Variants in SOS1 observed in about 807,000 individuals in gnomAD.
SOS1 encodes SOS Ras/Rac guanine nucleotide exchange factor 1.
SOS1 carries 25 observed loss-of-function variants against 157.6 expected under a neutral mutation model. The ratio of observed to expected loss-of-function variants is 0.16; its 90% confidence interval spans 0.12 to 0.22. SOS1 has a LOEUF of 0.22. Ranked by LOEUF, SOS1 falls within the 10% of genes least tolerant of loss-of-function variation. The pLI is 1.00. For synonymous variants in SOS1, 528 were observed against 534.0 expected (o/e 0.99, Z 0.16); for missense variants, 1,237 against 1,599.1 (o/e 0.77, Z 3.86).
rs1668460553 is a variant in SOS1, at chr2:38,983,505, G to GAAAT, written c.*2315_*2318dup. The GAAAT allele has an allele frequency of 6.6e-6, 1 of 152,292 alleles. No individual in the cohort carries two copies. The highest frequency in any genetic ancestry group is 2.4e-5 in the African/African-American group (1 of 41,578). The allele number at this position is 152,292 out of a possible 1,614,324, so 9.4% of individuals were successfully genotyped here. ...GGTAGAAGAATAGTTCCCTTTGGGA[G>GAAAT]AAATAGGATTAGAACTCCAAATCTG... On this transcript the variant is annotated 3_prime_UTR_variant, in exon 23 of 23. Transcript: ENST00000402219.
chr2:39,014,904 T>G, intron 10 of SOS1, 58 bp from the exon 11 acceptor site: 1 of 943,944 alleles, frequency 1.1e-6, no homozygotes, highest in Non-Finnish European at 1.7e-6. Context: ...TGATTAAAAC[T>G]GTTATGTACA....
At chr2:39,085,219 T>A (rs297123) in intron 1 of SOS1, among the ~76,000 whole-genome samples, 134,752 of 150,724 alleles carry the variant, frequency 0.89, 59,851 homozygotes, top group Non-Finnish European at 0.92. Context: ...CTAATTTTTC[T>A]TTTTTTTTGT....
At chr2:39,084,149 T>C (rs1392876372) in intron 1 of SOS1, among the ~76,000 whole-genome samples, 1 of 152,128 alleles carries the variant, frequency 6.6e-6, no homozygotes, top group African/African-American at 2.4e-5. Context: ...CCTCCAAAAC[T>C]ATGAGAAAAC....
chr2:38,999,441 G>A (rs1228612100), intron 17 of SOS1, among the ~76,000 whole-genome samples: 1 of 152,178 alleles, frequency 6.6e-6, no homozygotes, highest in East Asian at 1.9e-4. Flanking sequence ...ATATTGAACA[G>A]ATCAGCAATA....
chr2:38,985,655 T>C lies in SOS1; in HGVS notation c.*169A>G, dbSNP rs114529424. On this transcript the variant is annotated 3_prime_UTR_variant, in exon 23 of 23. Coordinates refer to ENST00000402219, the MANE Select transcript of SOS1 (RefSeq NM_005633.4). ...ATTCTAAACTGGAATACCATTTCCA[T>C]TGTATAATTACATCTAGGTTAAAAT... 1.0e-5 allele frequency: 8 copies of C among 776,094 alleles called. No homozygotes were observed. Among genetic ancestry groups the C allele is most frequent in the Non-Finnish European group, 1.5e-5 (7 of 463,718 alleles). The allele number at this position is 776,094 out of a possible 1,614,324, so 48.1% of individuals were successfully genotyped here.
At chr2:39,054,034 T>A (rs1326173100) in intron 5 of SOS1, among the ~76,000 whole-genome samples, 1 of 152,010 alleles carries the variant, frequency 6.6e-6, no homozygotes, top group Non-Finnish European at 1.5e-5. Context: ...TTCACGCCAT[T>A]CTCCTGCCTC....
upstream of SOS1, among the ~76,000 whole-genome samples, chr2:39,123,737 G>A (rs1487797244): frequency 6.6e-6 from 1 of 152,190 alleles, no homozygotes; most frequent in African/African-American, 2.4e-5. Context: ...CACACAGTAG[G>A]TAGCAATAAA....
intron 20 of SOS1, among the ~76,000 whole-genome samples, chr2:38,990,162 C>A (rs1572799923): frequency 6.7e-6 from 1 of 149,188 alleles, no homozygotes. Flanking sequence ...TTTTTAAATT[C>A]AGATTTCGTT....
intron 8 of SOS1, among the ~76,000 whole-genome samples, chr2:39,033,558 CA>C (rs1670240322): frequency 6.6e-6 from 1 of 152,004 alleles, no homozygotes; most frequent in Non-Finnish European, 1.5e-5. Context: ...ATTTTTGAGA[CA>C]GGGGCTTGCT....
chr2:39,073,006 T>C lies in SOS1; in HGVS notation c.88-5253A>G, dbSNP rs563285205. On this transcript the variant is annotated intron_variant, in intron 1 of 22. Transcript: ENST00000402219. ...CAAGAAGATGCTGTTAGGATATTTCTTTAAAGAGCAAACAGAAGTAGTATT... is the reference window on the plus strand; with the variant it reads ...CAAGAAGATGCTGTTAGGATATTTCCTTAAAGAGCAAACAGAAGTAGTATT... Among the ~76,000 whole-genome samples the C allele has an allele frequency of 2.6e-5, 4 of 152,320 alleles. No individual in the cohort carries two copies. The South Asian group carries it at 8.3e-4, about 32-fold the overall frequency.
rs1449260720 is a variant in SOS1 at position 38,983,630 on chromosome 2, A to ACTT, written c.*2191_*2193dup. Reference sequence around the variant, plus strand: ...GACATACTGAAGGGGGTCCAATGTGACTTTTACCAGGTTCTCATTTGGAAT... The same window carrying ACTT: ...GACATACTGAAGGGGGTCCAATGTGACTTCTTTTACCAGGTTCTCATTTGGAAT... On this transcript the variant is annotated 3_prime_UTR_variant, in exon 23 of 23. Coordinates refer to ENST00000402219, the MANE Select transcript of SOS1 (RefSeq NM_005633.4). 1 of 152,152 alleles carries ACTT rather than the reference A, an allele frequency of 6.6e-6. No individual in the cohort carries two copies. The highest frequency in any genetic ancestry group is 1.9e-4 in the East Asian group (1 of 5,192). The allele number at this position is 152,152 out of a possible 1,614,324, so 9.4% of individuals were successfully genotyped here. A position where few individuals can be genotyped will look rare whatever the true frequency, so the allele number is the denominator to read the frequency against.
chr2:39,080,327 G>A (rs1672159463), intron 1 of SOS1, among the ~76,000 whole-genome samples: 1 of 152,060 alleles, frequency 6.6e-6, no homozygotes, highest in African/African-American at 2.4e-5. Context: ...CGGAGTTTTG[G>A]CGGTAATGCG....
chr2:39,029,102 CAAAT>C lies in SOS1; in HGVS notation c.1075-4969_1075-4966del, dbSNP rs1670071119. Among the ~76,000 whole-genome samples, 6 of 152,208 alleles carry C rather than the reference CAAAT, an allele frequency of 3.9e-5. No individual in the cohort carries two copies. In the South Asian group the frequency reaches 6.2e-4, roughly 16 times the overall value. ...TGAGGGAAAGAAAGGTCATGACATT[CAAAT>C]AAATTATTATTTTATGGTACCAGCA... On this transcript the variant is annotated intron_variant, in intron 8 of 22. Transcript: ENST00000402219.
chr2:39,018,388 C>G (rs559640622), intron 10 of SOS1, among the ~76,000 whole-genome samples: 1 of 151,830 alleles, frequency 6.6e-6, no homozygotes, highest in Admixed American at 6.6e-5. Context: ...AAGGTTTCCA[C>G]CATGTTCACT....
chr2:39,022,672 T>C lies in SOS1; in HGVS notation c.1756A>G (p.Ile586Val). The C allele has an allele frequency of 6.2e-7, 1 of 1,613,236 alleles. No homozygotes were observed. The change falls in exon 10 of 23, where the codon ATT becomes GTT. Residue 586 changes from isoleucine (I) to valine (V), a missense_variant. Physicochemically the swap from Ile to Val is conservative, Grantham distance 29. This residue lies in a region of SOS1 where 210 missense variants were observed against 220.2 expected (regional missense o/e 0.95). Transcript: ENST00000402219. ...GGCTGCATGTTCTCTTCAAATATAA[T>C]ATTCTCTTCAGAGTCAGGCTCTGCA... ...RFAEPDSEENIIFEENMQPKA... is the reference protein window; with the variant it reads ...RFAEPDSEENVIFEENMQPKA...
chr2:39,037,432 G>C (rs1558481722), intron 6 of SOS1, among the ~76,000 whole-genome samples: 1 of 151,914 alleles, frequency 6.6e-6, no homozygotes, highest in African/African-American at 2.4e-5. Flanking sequence ...GTTCCTTTCA[G>C]TTTATTTTAA....
At chr2:38,997,069 T>C in intron 18 of SOS1, 31 bp from the exon 19 acceptor site, 1 of 1,169,452 alleles carries the variant, frequency 8.6e-7, no homozygotes. Context: ...AAATTATTAA[T>C]ATTCAAAATT....
At chr2:39,064,470 A>G (rs1399049088) in intron 2 of SOS1, among the ~76,000 whole-genome samples, 1 of 152,174 alleles carries the variant, frequency 6.6e-6, no homozygotes. Context: ...AGGATTCAGT[A>G]TTTCTTTAAT....
At chr2:39,005,458 A>G (rs915658927) in intron 17 of SOS1, among the ~76,000 whole-genome samples, 3 of 152,212 alleles carry the variant, frequency 2.0e-5, no homozygotes, top group African/African-American at 7.2e-5. Flanking sequence ...AACTTTATGG[A>G]ATATTATGCA....
Sources: allele counts gnomAD v4.1 joint callset (sites outside exome capture counted in the v4.1 genomes callset), GRCh38; gene constraint gnomAD v4.1.1; regional missense constraint gnomAD v4.1.1; transcripts MANE v1.5; gene names NCBI Gene and HGNC (gene_info 2026-07-23, HGNC 2026-07-21).